Variants in USP32 observed in about 807,000 individuals in gnomAD.
The protein encoded by USP32 is ubiquitin carboxyl-terminal hydrolase 32.
In USP32, 59 loss-of-function variants were observed where a neutral mutation model predicts 204.8. The ratio of observed to expected loss-of-function variants is 0.29; its 90% CI spans 0.23 to 0.36. The LOEUF is 0.36. USP32 is among the 10% of genes least tolerant of loss of function. The probability of loss-of-function intolerance (pLI) is 1.00; values close to 1 mark genes in which losing one functional copy is unlikely to be tolerated. For missense variants in USP32, 1,160 were observed against 1,946.4 expected, an observed-to-expected ratio of 0.60 and a Z score of 7.60; for synonymous variants, 517 against 678.4, an observed-to-expected ratio of 0.76 and a Z score of 3.70.
intron 12 of USP32, among the ~76,000 whole-genome samples, chr17:60,234,662 G>A (rs887563451): frequency 3.3e-5 from 5 of 151,656 alleles, no homozygotes; most frequent in South Asian, 2.1e-4. Context: ...CCTGGAAGGC[G>A]GAGCTTGCAG....
chr17:60,365,693 G>A (rs1018998020), intron 1 of USP32, among the ~76,000 whole-genome samples: 3 of 151,818 alleles, frequency 2.0e-5, no homozygotes, highest in Admixed American at 6.6e-5. Flanking sequence ...TAATAGTTAC[G>A]AAGTTGTCAG....
At chr17:60,293,522 A>ACAT (rs2087340982) in intron 4 of USP32, among the ~76,000 whole-genome samples, 1 of 152,194 alleles carries the variant, frequency 6.6e-6, no homozygotes, top group Non-Finnish European at 1.5e-5. Flanking sequence ...CACAGGAAGC[A>ACAT]CATCCTTTTG....
chr17:60,373,738 C>T (rs1284667531), intron 1 of USP32, among the ~76,000 whole-genome samples: 1 of 152,120 alleles, frequency 6.6e-6, no homozygotes, highest in Non-Finnish European at 1.5e-5. Context: ...GCGTGAGCCA[C>T]CATGCCCAGC....
At chr17:60,244,764 T>C (rs1239816413) in intron 11 of USP32, among the ~76,000 whole-genome samples, 2 of 152,184 alleles carry the variant, frequency 1.3e-5, no homozygotes, top group Non-Finnish European at 2.9e-5. Flanking sequence ...CATGAATAGA[T>C]AGGGTTACAG....
chr17:60,192,238 C>T (rs1332396086), intron 28 of USP32, among the ~76,000 whole-genome samples: 1 of 151,978 alleles, frequency 6.6e-6, no homozygotes, highest in Non-Finnish European at 1.5e-5. Context: ...TTGCAGTGAG[C>T]TGAGATTGAG....
chr17:60,210,922 G>A, intron 21 of USP32, 91 bp downstream of exon 21: 1 of 1,471,086 alleles, frequency 6.8e-7, no homozygotes, highest in South Asian at 1.4e-5. Context: ...CATTTATTAA[G>A]TTAAAAGGCT....
At chr17:60,207,999 T>C (rs1181574599) in intron 24 of USP32, 60 bp downstream of exon 24, 2 of 1,513,646 alleles carry the variant, frequency 1.3e-6, no homozygotes, top group Non-Finnish European at 1.8e-6. Context: ...TCATAATAAT[T>C]GAGAAAAATG....
chr17:60,411,360 T>TA (rs1258166179), intron 1 of USP32, among the ~76,000 whole-genome samples: 39 of 145,784 alleles, frequency 2.7e-4, no homozygotes, highest in Non-Finnish European at 3.8e-4. Context: ...AATAAATAAA[T>TA]AATTAGCCAG....
chr17:60,323,736 A>G (rs2088166098), intron 2 of USP32, among the ~76,000 whole-genome samples: 1 of 152,250 alleles, frequency 6.6e-6, no homozygotes, highest in Non-Finnish European at 1.5e-5. Flanking sequence ...GGCTTTTTAT[A>G]TCTCACCTAA....
intron 2 of USP32, among the ~76,000 whole-genome samples, chr17:60,332,220 T>A (rs1415098108): frequency 6.6e-6 from 1 of 151,908 alleles, no homozygotes; most frequent in East Asian, 1.9e-4. Context: ...ATCACGCCAC[T>A]CCAGCCTGGG....
chr17:60,386,559 C>T (rs2146128986), intron 1 of USP32, among the ~76,000 whole-genome samples: 1 of 152,284 alleles, frequency 6.6e-6, no homozygotes, highest in African/African-American at 2.4e-5. Flanking sequence ...TTTTCTCGTC[C>T]TGAGAAAATA....
At chr17:60,272,673 G>T (rs973481054) in intron 5 of USP32, among the ~76,000 whole-genome samples, 4 of 152,150 alleles carry the variant, frequency 2.6e-5, no homozygotes, top group Non-Finnish European at 5.9e-5. Flanking sequence ...TGAGAGAGAG[G>T]AAACAAATAA....
At chr17:60,326,210 T>C (rs973899658) in intron 2 of USP32, among the ~76,000 whole-genome samples, 2 of 152,064 alleles carry the variant, frequency 1.3e-5, no homozygotes, top group Non-Finnish European at 1.5e-5. Context: ...CATTTCCTAC[T>C]GATACATAGA....
At chr17:60,366,138 G>C (rs146725059) in intron 1 of USP32, among the ~76,000 whole-genome samples, 13 of 151,352 alleles carry the variant, frequency 8.6e-5, no homozygotes, top group Non-Finnish European at 1.9e-4. Context: ...ACACCACGCC[G>C]GGCTAAGTTT....
chr17:60,252,412 C>G lies in USP32; in HGVS notation c.1105G>C (p.Ala369Pro). Residue 369 changes from alanine to proline, a missense_variant, in exon 11 of 34, where the codon GCT (alanine) becomes CCT (proline). By Grantham distance (27) the Ala-to-Pro change is conservative. Around this residue, in one of 8 missense-constraint regions of USP32, gnomAD observed 536 missense variants for 680.9 expected, o/e 0.79. Transcript: ENST00000300896. ...VCHIVLGLRP[A>P]TPEEEGQIIR... is the part of the protein sequence containing the mutation. Reference sequence around the variant, plus strand: ...ATTTGTCCTTCTTCTTCCGGAGTAGCTGGTCTTAACCCCAGAACTATGTGA... The same window carrying G: ...ATTTGTCCTTCTTCTTCCGGAGTAGGTGGTCTTAACCCCAGAACTATGTGA... The G allele has an allele frequency of 6.2e-7, 1 of 1,609,986 alleles. No homozygotes were observed. The highest frequency in any genetic ancestry group is 8.5e-7 in the Non-Finnish European group (1 of 1,178,248).
At chr17:60,342,617 T>A (rs2088687105) in intron 2 of USP32, among the ~76,000 whole-genome samples, 1 of 152,198 alleles carries the variant, frequency 6.6e-6, no homozygotes, top group Non-Finnish European at 1.5e-5. Context: ...GTTTACCTAC[T>A]CAAGCCTCAG....
At chr17:60,344,970 T>C (rs2088751777) in intron 2 of USP32, among the ~76,000 whole-genome samples, 1 of 152,320 alleles carries the variant, frequency 6.6e-6, no homozygotes, top group East Asian at 1.9e-4. Flanking sequence ...GTTAAACATA[T>C]TATTTTTAGA....
rs923404257 is a variant in USP32, at chr17:60,236,199, C to T, written c.1178G>A (p.Gly393Glu). 1 of 1,613,856 alleles carries T rather than the reference C, an allele frequency of 6.2e-7. No individual in the cohort carries two copies. The highest frequency in any genetic ancestry group is 8.5e-7 in the Non-Finnish European group (1 of 1,179,920). ...ERESRYGLQA[G>E]HNWFIISMQW... ...CATGGAGATGATAAACCAGTTGTGT[C>T]CTGCTTGCAGACCATACCTGCTCTC... The change falls in exon 12 of 34, where the codon GGA becomes GAA. Residue 393 changes from glycine to glutamate, a missense_variant. Around this residue, in one of 8 missense-constraint regions of USP32, gnomAD observed 536 missense variants for 680.9 expected, o/e 0.79. Coordinates refer to ENST00000300896, the MANE Select transcript of USP32 (RefSeq NM_032582.4).
intron 5 of USP32, among the ~76,000 whole-genome samples, chr17:60,283,494 T>C (rs778179637): frequency 3.9e-5 from 6 of 152,080 alleles, no homozygotes; most frequent in Non-Finnish European, 8.8e-5. Flanking sequence ...ATAAGAAAGA[T>C]AAGAAACTTA....
Sources: allele counts gnomAD v4.1 joint callset (sites outside exome capture counted in the v4.1 genomes callset), GRCh38; gene constraint gnomAD v4.1.1; regional missense constraint gnomAD v4.1.1; transcripts MANE v1.5; gene names NCBI Gene and HGNC (gene_info 2026-07-23, HGNC 2026-07-21).